BBX: variants seen among roughly 807,000 people sequenced by gnomAD.
BBX encodes the protein BBX high mobility group box domain containing, also known as HMG box transcription factor BBX.
Under a neutral mutation model 100.2 loss-of-function variants are expected in BBX, and 30 were observed. That is an observed-to-expected ratio of 0.30 (90% confidence interval 0.22 to 0.41). The LOEUF is 0.41. Among genes scored for constraint, BBX ranks in the 10% least tolerant of loss-of-function variants. The pLI, the probability that BBX is intolerant of heterozygous loss-of-function variation, is 1.00. For synonymous variants in BBX, 376 were observed against 388.1 expected, an observed-to-expected ratio of 0.97 and a Z score of 0.37; for missense variants, 1,023 against 1,129.8, an observed-to-expected ratio of 0.91 and a Z score of 1.35.
chr3:107,808,596 C>G lies in BBX; in HGVS notation c.*3139C>G, dbSNP rs2108090478. On this transcript the variant is annotated 3_prime_UTR_variant, in exon 18 of 18. Coordinates refer to ENST00000325805, the MANE Select transcript of BBX (RefSeq NM_001142568.3). ...TAACTGAAGCTGCAGCTGTAAGAAG[C>G]TGAGTGAAAGAAAAAATACTGTAAG... 1 of 152,118 alleles carries G rather than the reference C, an allele frequency of 6.6e-6. No homozygotes were observed. The highest frequency in any genetic ancestry group is 1.9e-4 in the East Asian group (1 of 5,172). The allele number at this position is 152,118 out of a possible 1,614,324, so 9.4% of individuals were successfully genotyped here.
At chr3:107,582,751 T>C (rs1173165585) in intron 2 of BBX, among the ~76,000 whole-genome samples, 1 of 152,120 alleles carries the variant, frequency 6.6e-6, no homozygotes, top group Non-Finnish European at 1.5e-5. Context: ...ACATTTAGTT[T>C]TAAAATTTTT....
Position 107,728,749 on chromosome 3 carries a change from G to A in BBX, c.406-16G>A, listed in dbSNP as rs368178359. 4.4e-6 allele frequency: 7 copies of A among 1,589,556 alleles called. No homozygotes were observed. The highest frequency in any genetic ancestry group is 6.0e-6 in the Non-Finnish European group (7 of 1,167,886). On this transcript the variant is annotated splice_polypyrimidine_tract_variant and intron_variant, in intron 5 of 17. Transcript: ENST00000325805. ...ATTTGTTAATTAAAATCTGCTGTCT[G>A]TCGTTTTATTTATAGTATAAGGATG...
intron 3 of BBX, among the ~76,000 whole-genome samples, chr3:107,691,873 C>T (rs975552060): frequency 1.3e-5 from 2 of 152,152 alleles, no homozygotes; most frequent in South Asian, 2.1e-4. Context: ...TAAGCAACTT[C>T]GCTAAACACT....
intron 2 of BBX, among the ~76,000 whole-genome samples, chr3:107,604,005 A>G (rs1036348542): frequency 1.3e-5 from 2 of 152,142 alleles, no homozygotes; most frequent in East Asian, 1.9e-4. Flanking sequence ...CTGAACCCAT[A>G]GTATCTCCAA....
At position 107,805,380 on chromosome 3, in the gene BBX, T is replaced by C; in HGVS notation, c.2749T>C (p.Ser917Pro). The change falls in exon 18 of 18, where the codon TCA (serine) becomes CCA (proline). Residue 917 changes from serine to proline, a missense_variant. This residue lies in a region of BBX where 104 missense variants were observed against 132.2 expected (regional missense o/e 0.79). Coordinates refer to ENST00000325805, the MANE Select transcript of BBX (RefSeq NM_001142568.3). ...CCTTTTATTTTACAGAGGTCAGAGG[T>C]CAACTCCGCTCACCCATGATGGACA... ...AMENVHRGQR[S>P]TPLTHDGQPK... The C allele has an allele frequency of 6.2e-7, 1 of 1,613,580 alleles. No homozygotes were observed. The highest frequency in any genetic ancestry group is 8.5e-7 in the Non-Finnish European group (1 of 1,179,716).
intron 10 of BBX, among the ~76,000 whole-genome samples, chr3:107,765,612 C>T (rs1182561176): frequency 1.3e-5 from 2 of 152,118 alleles, no homozygotes; most frequent in Non-Finnish European, 1.5e-5. Context: ...CTCGCCTGGC[C>T]CATCCCTGCC....
intron 2 of BBX, among the ~76,000 whole-genome samples, chr3:107,611,816 A>ACTTTCTACCCCTCT (rs1462762858): frequency 1.3e-5 from 2 of 152,058 alleles, no homozygotes; most frequent in African/African-American, 4.8e-5. Flanking sequence ...CCTGGAATAA[A>ACTTTCTACCCCTCT]CTTTCTACCC....
At chr3:107,769,232 AGATAGATAG>A (rs368217374) in intron 10 of BBX, among the ~76,000 whole-genome samples, 3,765 of 47,164 alleles carry the variant, frequency 0.08, 181 homozygotes, top group African/African-American at 0.18. Flanking sequence ...ATAGATAGAC[AGATAGATAG>A]GATAGATAGA....
chr3:107,599,040 G>C (rs1475877657), intron 2 of BBX, among the ~76,000 whole-genome samples: 1 of 152,102 alleles, frequency 6.6e-6, no homozygotes, highest in African/African-American at 2.4e-5. Context: ...CAGAGCGGGG[G>C]CTGGTGGGAG....
chr3:107,609,613 G>A (rs2054691595), intron 2 of BBX, among the ~76,000 whole-genome samples: 2 of 152,074 alleles, frequency 1.3e-5, no homozygotes, highest in Admixed American at 1.3e-4. Flanking sequence ...TAAGTTGTAT[G>A]TGTCTGTGTG....
At chr3:107,662,146 A>G (rs1190438011) in intron 3 of BBX, among the ~76,000 whole-genome samples, 1 of 152,216 alleles carries the variant, frequency 6.6e-6, no homozygotes, top group Non-Finnish European at 1.5e-5. Context: ...ATATAAACGA[A>G]TTGTGTTTTA....
At chr3:107,555,129 A>T (rs2050000268) in intron 2 of BBX, among the ~76,000 whole-genome samples, 1 of 152,182 alleles carries the variant, frequency 6.6e-6, no homozygotes, top group Admixed American at 6.5e-5. Context: ...CTTTATTTTC[A>T]TAGTATTGAT....
At chr3:107,783,425 T>C (rs1253697493) in intron 13 of BBX, among the ~76,000 whole-genome samples, 2 of 152,120 alleles carry the variant, frequency 1.3e-5, no homozygotes, top group Non-Finnish European at 2.9e-5. Flanking sequence ...GCTTAGTCTT[T>C]AAATTACTTT....
intron 2 of BBX, among the ~76,000 whole-genome samples, chr3:107,645,223 A>C (rs2057446081): frequency 1.3e-5 from 2 of 152,194 alleles, no homozygotes. Context: ...ATTAAAATAA[A>C]ATATTCCATT....
intron 2 of BBX, chr3:107,599,415 G>A (rs2053899921): frequency 6.6e-6 from 1 of 152,158 alleles, no homozygotes; most frequent in Non-Finnish European, 1.5e-5. Context: ...TGGTTTTGTG[G>A]AAGTATTGTT....
intron 2 of BBX, among the ~76,000 whole-genome samples, chr3:107,584,428 C>T (rs1483919720): frequency 2.0e-5 from 3 of 148,616 alleles, no homozygotes; most frequent in Admixed American, 1.4e-4. Context: ...GAAATTTGTC[C>T]ATTCAAATCT....
At chr3:107,730,283 G>T in intron 6 of BBX, among the ~76,000 whole-genome samples, 1 of 152,058 alleles carries the variant, frequency 6.6e-6, no homozygotes, top group East Asian at 1.9e-4. Flanking sequence ...CAAATCATTT[G>T]TTATTAGATA....
chr3:107,719,121 T>A (rs2062334377), intron 5 of BBX, among the ~76,000 whole-genome samples: 1 of 152,092 alleles, frequency 6.6e-6, no homozygotes, highest in South Asian at 2.1e-4. Flanking sequence ...TTTGTGATAG[T>A]TGCTAGTGAT....
intron 10 of BBX, among the ~76,000 whole-genome samples, chr3:107,758,606 C>G (rs555423523): frequency 6.6e-6 from 1 of 152,088 alleles, no homozygotes; most frequent in Admixed American, 6.6e-5. Flanking sequence ...CAAGATACTT[C>G]CTACTGTCGG....
Sources: allele counts gnomAD v4.1 joint callset (sites outside exome capture counted in the v4.1 genomes callset), GRCh38; gene constraint gnomAD v4.1.1; regional missense constraint gnomAD v4.1.1; transcripts MANE v1.5; gene names NCBI Gene and HGNC (gene_info 2026-07-23, HGNC 2026-07-21).